Variants in PHACTR4 observed in about 807,000 individuals in gnomAD.
The protein encoded by PHACTR4 is protein phosphatase 1, regulatory subunit 124.
A neutral mutation model predicts 72.7 loss-of-function variants in PHACTR4; 51 were observed. The ratio of observed to expected loss-of-function variants is 0.70; its 90% confidence interval spans 0.56 to 0.89. PHACTR4 has a LOEUF of 0.89. Among genes scored for constraint, PHACTR4 ranks in the 40% least tolerant of loss-of-function variants. The probability of loss-of-function intolerance (pLI) is 0.00; values close to 1 mark genes in which losing one functional copy is unlikely to be tolerated. For missense variants in PHACTR4, 731 were observed against 861.8 expected (o/e 0.85, Z 1.90); for synonymous variants, 255 against 302.5 (o/e 0.84, Z 1.63).
At chr1:28,383,617 G>A (rs868120314) in intron 1 of PHACTR4, among the ~76,000 whole-genome samples, 8 of 152,098 alleles carry the variant, frequency 5.3e-5, no homozygotes, top group South Asian at 2.1e-4. Context: ...TGTAGCAGTC[G>A]TGAAAGGGAT....
chr1:28,454,032 A>G (rs895991650), intron 2 of PHACTR4: 2 of 357,408 alleles, frequency 5.6e-6, no homozygotes, highest in South Asian at 2.7e-5. Context: ...CCTGGGCAAG[A>G]TAGCAAGACC....
chr1:28,493,088 C>T lies in PHACTR4; in HGVS notation c.2090C>T (p.Thr697Ile), dbSNP rs983225492. Residue 697 changes from threonine to isoleucine, a missense_variant, in exon 13 of 14, where the codon ACA becomes ATA. By Grantham distance (89) the Thr-to-Ile change is moderately conservative. Around this residue, in one of 2 missense-constraint regions of PHACTR4, gnomAD observed 110 missense variants for 185.2 expected, o/e 0.59. Transcript: ENST00000373839. ...GTTCATGAAGAGAGCAAACATTTTA[C>T]ACGGTAAGACCCAAAAGACCCAATC... Reference protein sequence around the residue: ...MEVHEESKHFTRYHRP With the variant: ...MEVHEESKHFIRYHRP 3 of 1,611,130 alleles carry T rather than the reference C, an allele frequency of 1.9e-6. No homozygotes were observed. Among genetic ancestry groups the T allele is most frequent in the Non-Finnish European group, 2.5e-6 (3 of 1,177,294 alleles).
chr1:28,376,167 T>C (rs1396762334), intron 1 of PHACTR4, among the ~76,000 whole-genome samples: 1 of 151,874 alleles, frequency 6.6e-6, no homozygotes, highest in African/African-American at 2.4e-5. Context: ...TTCTCTTCTT[T>C]CTTTTTCTTT....
At chr1:28,472,415 CA>C in intron 6 of PHACTR4, among the ~76,000 whole-genome samples, 1 of 151,894 alleles carries the variant, frequency 6.6e-6, no homozygotes. Flanking sequence ...ACTTCAAGGA[CA>C]AAAAACACTT....
chr1:28,448,761 CAAAA>C lies in PHACTR4; in HGVS notation c.17-10303_17-10300del, dbSNP rs777343479. On this transcript the variant is annotated intron_variant, in intron 2 of 13. Coordinates refer to ENST00000373839, the MANE Select transcript of PHACTR4 (RefSeq NM_001048183.3). ...TGGGCGACAGAGCGAGACTCCATCT[CAAAA>C]AAAAAAAAAAAAAAAAAAAACCTGA... Among the ~76,000 whole-genome samples the C allele has an allele frequency of 1.2e-3, 25 of 20,350 alleles. 1 individual carries two copies. The highest frequency in any genetic ancestry group is 4.8e-3 in the African/African-American group (23 of 4,842). 13.4% of individuals were successfully genotyped at this position (20,350 alleles called of 152,430 possible). A position where few individuals can be genotyped will look rare whatever the true frequency, so the allele number is the denominator to read the frequency against.
intron 1 of PHACTR4, among the ~76,000 whole-genome samples, chr1:28,395,115 G>T (rs1653388797): frequency 6.6e-6 from 1 of 152,026 alleles, no homozygotes; most frequent in African/African-American, 2.4e-5. Flanking sequence ...GTTTCGCCAT[G>T]TTGGCCAGGC....
chr1:28,438,484 T>C, intron 2 of PHACTR4: 1 of 1,591,054 alleles, frequency 6.3e-7, no homozygotes, highest in Non-Finnish European at 8.6e-7. Flanking sequence ...AAGGCAGATT[T>C]ACAGGTGAAC....
intron 9 of PHACTR4, among the ~76,000 whole-genome samples, chr1:28,481,741 G>A (rs902850714): frequency 1.3e-5 from 2 of 150,282 alleles, no homozygotes; most frequent in South Asian, 2.1e-4. Context: ...AGTGAGCTGA[G>A]ATCGCGCCAC....
intron 2 of PHACTR4, among the ~76,000 whole-genome samples, chr1:28,410,248 G>A (rs1293715325): frequency 9.0e-6 from 1 of 111,394 alleles, no homozygotes; most frequent in Non-Finnish European, 2.1e-5. Context: ...TTACAGGCGT[G>A]AGCCACCGTG....
Position 28,489,192 on chromosome 1 carries a change from C to T in PHACTR4, c.1783C>T (p.Pro595Ser). 1 of 1,612,840 alleles carries T rather than the reference C, an allele frequency of 6.2e-7. No homozygotes were observed. Among genetic ancestry groups the T allele is most frequent in the Non-Finnish European group, 8.5e-7 (1 of 1,179,266 alleles). ...LIRRLSQRPT[P>S]EELEQRNILQ... ...TAGGCGACTGAGTCAAAGACCAACACCAGAAGAACTAGAACAACGCAATAT... is the reference window on the plus strand; with the variant it reads ...TAGGCGACTGAGTCAAAGACCAACATCAGAAGAACTAGAACAACGCAATAT... The change falls in exon 10 of 14, where the codon CCA becomes TCA. Residue 595 changes from proline to serine, a missense_variant. By Grantham distance (74) the Pro-to-Ser change is moderately conservative. Transcript: ENST00000373839.
intron 1 of PHACTR4, among the ~76,000 whole-genome samples, chr1:28,370,219 C>T (rs1651126840): frequency 1.3e-5 from 2 of 152,286 alleles, no homozygotes; most frequent in South Asian, 4.1e-4. Context: ...GTAACCGGAT[C>T]GGGTCAAAGT....
intron 2 of PHACTR4, among the ~76,000 whole-genome samples, chr1:28,436,820 G>A (rs1355451332): frequency 1.3e-5 from 2 of 152,168 alleles, no homozygotes; most frequent in Non-Finnish European, 2.9e-5. Flanking sequence ...CAAACTGGAC[G>A]TTCATTTGCT....
At chr1:28,438,719 T>C (rs762502927) in intron 2 of PHACTR4, among the ~76,000 whole-genome samples, 16 of 152,368 alleles carry the variant, frequency 1.1e-4, no homozygotes, top group Admixed American at 7.8e-4. Flanking sequence ...TAAGGAATTA[T>C]CTGTTAATTT....
chr1:28,379,489 G>A (rs983575445), intron 1 of PHACTR4, among the ~76,000 whole-genome samples: 2 of 151,812 alleles, frequency 1.3e-5, no homozygotes, highest in Admixed American at 6.6e-5. Flanking sequence ...GCCTAGGCTG[G>A]TCTTGAACTC....
At chr1:28,435,103 T>G (rs1238038699) in intron 2 of PHACTR4, among the ~76,000 whole-genome samples, 1 of 152,160 alleles carries the variant, frequency 6.6e-6, no homozygotes, top group African/African-American at 2.4e-5. Context: ...GTTCAGACTT[T>G]CTCTCTGGCC....
At chr1:28,416,767 T>C (rs1162304708) in intron 2 of PHACTR4, among the ~76,000 whole-genome samples, 1 of 152,252 alleles carries the variant, frequency 6.6e-6, no homozygotes. Context: ...ACAAATGTTT[T>C]CTTCCAGCCT....
chr1:28,410,362 G>T (rs1424732212), intron 2 of PHACTR4, among the ~76,000 whole-genome samples: 1 of 152,058 alleles, frequency 6.6e-6, no homozygotes, highest in African/African-American at 2.4e-5. Context: ...AAATTCTAAA[G>T]AACATGACCA....
At chr1:28,482,722 T>C (rs1037298655) in intron 9 of PHACTR4, among the ~76,000 whole-genome samples, 1 of 152,068 alleles carries the variant, frequency 6.6e-6, no homozygotes, top group Non-Finnish European at 1.5e-5. Context: ...GGAGGCTCAC[T>C]TGAGCCCAGG....
chr1:28,438,252 C>T (rs1656759976), intron 2 of PHACTR4: 2 of 1,440,258 alleles, frequency 1.4e-6, no homozygotes, highest in Non-Finnish European at 1.8e-6. Context: ...TGACCTTATG[C>T]CATTTCCTGA....
Sources: gnomAD v4.1 joint callset for allele counts (sites outside exome capture counted in the v4.1 genomes callset) on GRCh38, gnomAD v4.1.1 for gene constraint, gnomAD v4.1.1 regional missense constraint, MANE v1.5 for transcripts, NCBI Gene and HGNC (gene_info 2026-07-23, HGNC 2026-07-21) for gene names.